Variants in DSCAML1 observed in about 807,000 individuals in gnomAD.
DSCAML1 encodes cell adhesion molecule DSCAML1.
In DSCAML1, 38 loss-of-function variants were observed where a neutral mutation model predicts 200.5. The ratio of observed to expected loss-of-function variants is 0.19; its 90% confidence interval spans 0.15 to 0.25. The LOEUF is 0.25. Ranked by LOEUF, DSCAML1 falls within the 10% of genes least tolerant of loss-of-function variation. DSCAML1 has a pLI of 1.00. For missense variants in DSCAML1, 2,223 were observed against 2,858.8 expected (o/e 0.78, Z 5.07); for synonymous variants, 1,215 against 1,165.0 (o/e 1.04, Z -0.87).
intron 3 of DSCAML1, among the ~76,000 whole-genome samples, chr11:117,753,667 A>G (rs1003072787): frequency 1.6e-4 from 25 of 152,324 alleles, no homozygotes; most frequent in African/African-American, 5.3e-4. Context: ...GCCACGATTC[A>G]GTCATGGTAA....
At chr11:117,442,381 G>C (rs1234823752) in intron 21 of DSCAML1, among the ~76,000 whole-genome samples, 1 of 150,376 alleles carries the variant, frequency 6.6e-6, no homozygotes, top group Non-Finnish European at 1.5e-5. Flanking sequence ...TGTGTATAGT[G>C]TGTGTATGCA....
At chr11:117,737,873 G>C (rs1428694925) in intron 3 of DSCAML1, among the ~76,000 whole-genome samples, 2 of 152,228 alleles carry the variant, frequency 1.3e-5, no homozygotes, top group African/African-American at 4.8e-5. Context: ...TGGGGACTGG[G>C]AGCAGTCCAG....
At chr11:117,736,772 C>T (rs1450370256) in intron 3 of DSCAML1, among the ~76,000 whole-genome samples, 1 of 152,206 alleles carries the variant, frequency 6.6e-6, no homozygotes, top group East Asian at 1.9e-4. Context: ...ATTTTATTGA[C>T]AAGCAAATGG....
intron 14 of DSCAML1, among the ~76,000 whole-genome samples, chr11:117,473,954 C>T (rs552840648): frequency 1.3e-5 from 2 of 152,118 alleles, no homozygotes; most frequent in South Asian, 4.2e-4. Context: ...GGAGCTGGCG[C>T]CAGCTCATAA....
At chr11:117,709,899 G>T (rs1398763502) in intron 3 of DSCAML1, among the ~76,000 whole-genome samples, 4 of 152,106 alleles carry the variant, frequency 2.6e-5, no homozygotes, top group Admixed American at 2.6e-4. Flanking sequence ...AAGGAGCAGG[G>T]GCCTGGCTCA....
At chr11:117,483,414 C>T (rs1343053650) in intron 11 of DSCAML1, among the ~76,000 whole-genome samples, 2 of 152,210 alleles carry the variant, frequency 1.3e-5, no homozygotes, top group Non-Finnish European at 1.5e-5. Flanking sequence ...AAAGCATAGT[C>T]CATCCATTCA....
intron 21 of DSCAML1, among the ~76,000 whole-genome samples, chr11:117,443,158 A>G (rs1412014673): frequency 6.6e-6 from 1 of 152,198 alleles, no homozygotes; most frequent in Non-Finnish European, 1.5e-5. Flanking sequence ...CCCAACGGCA[A>G]GTAGAGGACC....
chr11:117,678,316 A>G lies in DSCAML1; in HGVS notation c.511+98475T>C, dbSNP rs183014914. On this transcript the variant is annotated intron_variant, in intron 3 of 32. Coordinates refer to ENST00000651296, the MANE Select transcript of DSCAML1 (RefSeq NM_020693.4). Reference sequence around the variant, plus strand: ...GTGGCGGGCGGGAGGAGAAGCCTTGATAGATGAGGGTTTGCAGTTTTGATT... The same window carrying G: ...GTGGCGGGCGGGAGGAGAAGCCTTGGTAGATGAGGGTTTGCAGTTTTGATT... Among the ~76,000 whole-genome samples the G allele has an allele frequency of 9.2e-5, 14 of 152,330 alleles. No homozygotes were observed. In the East Asian group the frequency reaches 2.5e-3, roughly 27 times the overall value.
chr11:117,611,286 A>T (rs957753790), intron 3 of DSCAML1: 1 of 152,276 alleles, frequency 6.6e-6, no homozygotes, highest in South Asian at 2.1e-4. Context: ...TGGGGAAGGG[A>T]AGCCATGTCT....
intron 3 of DSCAML1, among the ~76,000 whole-genome samples, chr11:117,549,663 A>G (rs1054508447): frequency 3.9e-5 from 6 of 152,198 alleles, no homozygotes; most frequent in African/African-American, 1.4e-4. Flanking sequence ...ACAGCTTCCC[A>G]TCCAACGTCT....
At chr11:117,448,123 C>T (rs1413307139) in intron 20 of DSCAML1, among the ~76,000 whole-genome samples, 3 of 152,242 alleles carry the variant, frequency 2.0e-5, no homozygotes, top group South Asian at 2.1e-4. Flanking sequence ...GAGGAGGGGA[C>T]GGGGACCAGG....
intron 14 of DSCAML1, among the ~76,000 whole-genome samples, chr11:117,476,134 C>A (rs1378250641): frequency 1.3e-5 from 2 of 152,194 alleles, no homozygotes; most frequent in Non-Finnish European, 2.9e-5. Context: ...CTCTCCCTTT[C>A]TTCATCAAAG....
At chr11:117,746,605 A>G (rs536928911) in intron 3 of DSCAML1, among the ~76,000 whole-genome samples, 2 of 152,106 alleles carry the variant, frequency 1.3e-5, no homozygotes, top group Admixed American at 6.5e-5. Context: ...ACACCTGCCA[A>G]CGTGGCCTCC....
At chr11:117,755,692 C>G (rs1230087733) in intron 3 of DSCAML1, among the ~76,000 whole-genome samples, 1 of 152,224 alleles carries the variant, frequency 6.6e-6, no homozygotes. Context: ...GTAAGAAAGT[C>G]TGACCTTTCC....
intron 3 of DSCAML1, among the ~76,000 whole-genome samples, chr11:117,694,369 C>G (rs994095318): frequency 6.6e-6 from 1 of 151,380 alleles, no homozygotes; most frequent in Non-Finnish European, 1.5e-5. Flanking sequence ...TAGCACCACT[C>G]CACTCTAGCC....
Position 117,629,651 on chromosome 11 carries a change from G to A in DSCAML1, c.512-97129C>T, listed in dbSNP as rs963452252. ...CTCAGAGACAGTCAGGGAGACTCAGGCAAGGCTTGGAAAAGGTGGGAGGGA... is the reference window on the plus strand; with the variant it reads ...CTCAGAGACAGTCAGGGAGACTCAGACAAGGCTTGGAAAAGGTGGGAGGGA... On this transcript the variant is annotated intron_variant, in intron 3 of 32. Transcript: ENST00000651296. Among the ~76,000 whole-genome samples the A allele has an allele frequency of 7.4e-4, 112 of 152,250 alleles. 1 individual carries two copies. The highest frequency in any genetic ancestry group is 6.7e-3 in the Admixed American group (103 of 15,308).
chr11:117,666,295 C>CA (rs2052974132), intron 3 of DSCAML1, among the ~76,000 whole-genome samples: 1 of 152,138 alleles, frequency 6.6e-6, no homozygotes. Flanking sequence ...GGGGATCAAA[C>CA]AAGATCACAC....
At chr11:117,442,055 T>C (rs959672616) in intron 21 of DSCAML1, among the ~76,000 whole-genome samples, 1 of 151,912 alleles carries the variant, frequency 6.6e-6, no homozygotes, top group African/African-American at 2.4e-5. Context: ...TGTTAGTGTA[T>C]GTGTGTGCGC....
intron 3 of DSCAML1, among the ~76,000 whole-genome samples, chr11:117,546,953 AT>A (rs2050383673): frequency 6.6e-6 from 1 of 152,134 alleles, no homozygotes; most frequent in Admixed American, 6.5e-5. Flanking sequence ...TTGTAATAGC[AT>A]TTCCCTGACA....
Sources: gnomAD v4.1 joint callset for allele counts (sites outside exome capture counted in the v4.1 genomes callset) on GRCh38, gnomAD v4.1.1 for gene constraint, MANE v1.5 for transcripts, NCBI Gene and HGNC (gene_info 2026-07-23, HGNC 2026-07-21) for gene names.